The following GALNTL6 variants were observed in gnomAD, a reference collection of about 807,000 sequenced individuals.
GALNTL6 encodes the protein polypeptide N-acetylgalactosaminyltransferase-like 6.
In GALNTL6, 46 loss-of-function variants were observed where a neutral mutation model predicts 73.7. That is an observed-to-expected ratio of 0.62 (90% CI 0.49 to 0.80). GALNTL6 has a LOEUF of 0.80. Among genes scored for constraint, GALNTL6 ranks in the 30% least tolerant of loss-of-function variants. The pLI, the probability that GALNTL6 is intolerant of heterozygous loss-of-function variation, is 0.00. For missense variants in GALNTL6, 604 were observed against 755.0 expected, an observed-to-expected ratio of 0.80 and a Z score of 2.34; for synonymous variants, 259 against 263.7, an observed-to-expected ratio of 0.98 and a Z score of 0.17.
intron 3 of GALNTL6, among the ~76,000 whole-genome samples, chr4:172,235,597 T>A (rs1183675393): frequency 2.0e-5 from 3 of 152,238 alleles, no homozygotes; most frequent in African/African-American, 7.2e-5. Context: ...TCTAACTTTT[T>A]AAAAATTTTG....
In GALNTL6 at chr4:172,504,356, A is replaced by G. The variant is rs1310499157; in HGVS notation, c.553+155667A>G. Among the ~76,000 whole-genome samples, 2 of 51,994 alleles carry G rather than the reference A, an allele frequency of 3.8e-5. 1 individual carries two copies. The highest frequency in any genetic ancestry group is 8.7e-5 in the Non-Finnish European group (2 of 23,038). The allele number at this position is 51,994 out of a possible 152,430, so 34.1% of individuals were successfully genotyped here. On this transcript the variant is annotated intron_variant, in intron 5 of 12. Coordinates refer to ENST00000506823, the MANE Select transcript of GALNTL6 (RefSeq NM_001034845.3). ...ACATTGCCTTGCAATAGCAGCCCACACTTCCTACCTGCGAAGTCATCAGTC... is the reference window on the plus strand; with the variant it reads ...ACATTGCCTTGCAATAGCAGCCCACGCTTCCTACCTGCGAAGTCATCAGTC...
rs1158149418 is a variant in GALNTL6, at chr4:171,917,274, C to A, written c.138+102556C>A. Among the ~76,000 whole-genome samples the A allele has an allele frequency of 2.0e-5, 3 of 151,084 alleles. No individual in the cohort carries two copies. In the East Asian group the frequency reaches 5.8e-4, roughly 29 times the overall value. ...AAACCACAGTGTGGGGTTCCAGAAGCAAACCAAACAAAAAAAAAAATTAAG... is the reference window on the plus strand; with the variant it reads ...AAACCACAGTGTGGGGTTCCAGAAGAAAACCAAACAAAAAAAAAAATTAAG... On this transcript the variant is annotated intron_variant, in intron 2 of 12. Coordinates refer to ENST00000506823, the MANE Select transcript of GALNTL6 (RefSeq NM_001034845.3).
At chr4:172,033,993 G>A (rs1020693571) in intron 2 of GALNTL6, among the ~76,000 whole-genome samples, 1 of 152,078 alleles carries the variant, frequency 6.6e-6, no homozygotes, top group African/African-American at 2.4e-5. Context: ...ATGATTATCA[G>A]TTGAACAATC....
chr4:172,591,504 T>C (rs1737635366), intron 5 of GALNTL6, among the ~76,000 whole-genome samples: 1 of 152,234 alleles, frequency 6.6e-6, no homozygotes, highest in African/African-American at 2.4e-5. Context: ...TTTGTTTAAA[T>C]AATTCTCTTT....
intron 2 of GALNTL6, among the ~76,000 whole-genome samples, chr4:172,077,794 G>T (rs1731745748): frequency 6.6e-6 from 1 of 152,118 alleles, no homozygotes; most frequent in Non-Finnish European, 1.5e-5. Context: ...AGAGAAAGGG[G>T]AAAATCTCTC....
At chr4:172,235,672 T>C (rs916779287) in intron 3 of GALNTL6, among the ~76,000 whole-genome samples, 7 of 152,212 alleles carry the variant, frequency 4.6e-5, no homozygotes, top group African/African-American at 2.4e-5. Context: ...TCAGGGGATA[T>C]GTGTGCAGGT....
intron 5 of GALNTL6, among the ~76,000 whole-genome samples, chr4:172,357,967 A>G (rs1032677900): frequency 6.6e-6 from 1 of 152,118 alleles, no homozygotes; most frequent in Non-Finnish European, 1.5e-5. Flanking sequence ...GATTGGGTCC[A>G]TGTTTTCGTC....
intron 5 of GALNTL6, among the ~76,000 whole-genome samples, chr4:172,586,740 G>A (rs1479097619): frequency 2.0e-5 from 3 of 152,314 alleles, no homozygotes; most frequent in South Asian, 4.1e-4. Context: ...AGCATTTATA[G>A]TATTTGCTGT....
chr4:172,304,575 A>G (rs1740057968), intron 3 of GALNTL6, among the ~76,000 whole-genome samples: 1 of 152,216 alleles, frequency 6.6e-6, no homozygotes, highest in South Asian at 2.1e-4. Context: ...TTATTGCTCA[A>G]AATTCCTCAG....
intron 5 of GALNTL6, among the ~76,000 whole-genome samples, chr4:172,468,225 G>T (rs1732911436): frequency 6.6e-6 from 1 of 152,070 alleles, no homozygotes; most frequent in Non-Finnish European, 1.5e-5. Flanking sequence ...AAAATAAGCT[G>T]TTGAATTCCA....
At chr4:172,580,775 T>G (rs1187604368) in intron 5 of GALNTL6, among the ~76,000 whole-genome samples, 1 of 152,210 alleles carries the variant, frequency 6.6e-6, no homozygotes. Flanking sequence ...GTTTTAATTT[T>G]TTTGTTTGTT....
At chr4:171,851,626 G>C (rs1207420403) in intron 2 of GALNTL6, among the ~76,000 whole-genome samples, 1 of 152,090 alleles carries the variant, frequency 6.6e-6, no homozygotes, top group African/African-American at 2.4e-5. Flanking sequence ...ACTTCCTACA[G>C]ATTTCTTTAG....
chr4:172,180,197 T>C (rs976399180), intron 2 of GALNTL6, among the ~76,000 whole-genome samples: 10 of 152,188 alleles, frequency 6.6e-5, no homozygotes, highest in Non-Finnish European at 5.9e-5. Context: ...TAATGACCAA[T>C]GATGATGAGC....
intron 5 of GALNTL6, among the ~76,000 whole-genome samples, chr4:172,439,172 TCACACACACACACACA>T (rs57281407): frequency 6.9e-5 from 10 of 145,730 alleles, no homozygotes; most frequent in South Asian, 2.3e-4. Flanking sequence ...TCTCTCCCCT[TCACACACACACACACA>T]CACACACACA....
intron 2 of GALNTL6, among the ~76,000 whole-genome samples, chr4:172,028,315 AT>A (rs58990544): frequency 0.31 from 47,744 of 151,708 alleles, 8,212 homozygotes; most frequent in Middle Eastern, 0.41. Flanking sequence ...CTTCAAAAAA[AT>A]ATAAAGTTGA....
intron 2 of GALNTL6, among the ~76,000 whole-genome samples, chr4:171,875,911 A>G (rs576137045): frequency 1.3e-5 from 2 of 151,982 alleles, no homozygotes; most frequent in East Asian, 1.9e-4. Flanking sequence ...GTTAAAAACC[A>G]TGTTGTATAT....
intron 7 of GALNTL6, among the ~76,000 whole-genome samples, chr4:172,840,413 G>A (rs1314088183): frequency 6.6e-6 from 1 of 152,070 alleles, no homozygotes; most frequent in African/African-American, 2.4e-5. Context: ...CCAGCTGCTG[G>A]GCCCTGAACA....
chr4:172,053,125 C>A (rs1044986386), intron 2 of GALNTL6, among the ~76,000 whole-genome samples: 2 of 152,252 alleles, frequency 1.3e-5, no homozygotes, highest in African/African-American at 4.8e-5. Context: ...AATGAACTCA[C>A]GTCTAATTAC....
chr4:172,577,218 C>CA (rs1321936804), intron 5 of GALNTL6, among the ~76,000 whole-genome samples: 1 of 152,152 alleles, frequency 6.6e-6, no homozygotes, highest in African/African-American at 2.4e-5. Context: ...GCACTACTGA[C>CA]ACAGTAAAAA....
Sources: gnomAD v4.1 joint callset for allele counts (sites outside exome capture counted in the v4.1 genomes callset) on GRCh38, gnomAD v4.1.1 for gene constraint, MANE v1.5 for transcripts, NCBI Gene and HGNC (gene_info 2026-07-23, HGNC 2026-07-21) for gene names.